The following RASGRF2 variants were observed in gnomAD, a reference collection of about 807,000 sequenced individuals.
The protein encoded by RASGRF2 is Ras protein specific guanine nucleotide releasing factor 2.
RASGRF2 carries 76 observed loss-of-function variants against 151.0 expected under a neutral mutation model. The ratio of observed to expected loss-of-function variants is 0.50; its 90% CI spans 0.42 to 0.61. The LOEUF (loss-of-function observed/expected upper bound fraction) is 0.61. Ranked by LOEUF, RASGRF2 falls within the 20% of genes least tolerant of loss-of-function variation. The pLI is 0.00. For synonymous variants in RASGRF2, 504 were observed against 566.5 expected, an observed-to-expected ratio of 0.89 and a Z score of 1.57; for missense variants, 1,148 against 1,564.6, an observed-to-expected ratio of 0.73 and a Z score of 4.49.
At position 81,034,811 on chromosome 5, in the gene RASGRF2, G is replaced by A. The variant is rs992143392; in HGVS notation, c.289-8066G>A. On this transcript the variant is annotated intron_variant, in intron 1 of 26. Coordinates refer to ENST00000265080, the MANE Select transcript of RASGRF2 (RefSeq NM_006909.3). ...CTGGGGACTGTTGTGGGGTGGGAGG[G>A]GGGTAGGGATAGCATTGGGAGATAT... Among the ~76,000 whole-genome samples the A allele has an allele frequency of 4.6e-4, 60 of 131,528 alleles. 2 individuals are homozygous for A. The highest frequency in any genetic ancestry group is 4.9e-5 in the Non-Finnish European group (3 of 61,724). 86.3% of individuals were successfully genotyped at this position (131,528 alleles called of 152,430 possible).
At chr5:81,039,648 A>G (rs1275378041) in intron 1 of RASGRF2, among the ~76,000 whole-genome samples, 1 of 152,226 alleles carries the variant, frequency 6.6e-6, no homozygotes, top group Non-Finnish European at 1.5e-5. Context: ...TATGAACTAT[A>G]TAGATCTTTA....
chr5:81,037,715 G>A lies in RASGRF2; in HGVS notation c.289-5162G>A, dbSNP rs573367522. ...AAAAAATGTTAAAAGGTGCACGTAG[G>A]TGAAGTCTTTATTGTGCTCTCGGAA... On this transcript the variant is annotated intron_variant, in intron 1 of 26. Transcript: ENST00000265080. Among the ~76,000 whole-genome samples, 59 of 152,234 alleles carry A rather than the reference G, an allele frequency of 3.9e-4. 1 individual carries two copies. Among genetic ancestry groups the A allele is most frequent in the African/African-American group, 1.4e-3 (58 of 41,550 alleles).
At chr5:81,015,589 G>A (rs1296507670) in intron 1 of RASGRF2, among the ~76,000 whole-genome samples, 1 of 151,208 alleles carries the variant, frequency 6.6e-6, no homozygotes, top group Non-Finnish European at 1.5e-5. Flanking sequence ...CTGTTCCTTT[G>A]CCCACATTTC....
chr5:81,144,061 C>T (rs1370849780), intron 17 of RASGRF2, among the ~76,000 whole-genome samples: 2 of 152,112 alleles, frequency 1.3e-5, no homozygotes, highest in African/African-American at 4.8e-5. Context: ...CAAAAATATA[C>T]AATGAAAAGT....
intron 1 of RASGRF2, among the ~76,000 whole-genome samples, chr5:81,010,847 G>A (rs1292639389): frequency 6.6e-6 from 1 of 152,096 alleles, no homozygotes; most frequent in Non-Finnish European, 1.5e-5. Flanking sequence ...CACCAGATGT[G>A]CTTCATGTTC....
At chr5:81,125,175 C>T (rs1378969571) in intron 16 of RASGRF2, among the ~76,000 whole-genome samples, 2 of 152,192 alleles carry the variant, frequency 1.3e-5, no homozygotes, top group Non-Finnish European at 2.9e-5. Context: ...GAATAAGCCA[C>T]TGCGCCCAGC....
At chr5:80,977,286 G>A (rs1748151080) in intron 1 of RASGRF2, among the ~76,000 whole-genome samples, 1 of 152,066 alleles carries the variant, frequency 6.6e-6, no homozygotes, top group African/African-American at 2.4e-5. Flanking sequence ...CCAAGTTCAA[G>A]TTCTAGATCC....
rs779026702 is a variant in RASGRF2 at position 81,225,688 on chromosome 5, ACTTG to A, written c.3637_3640del (p.Leu1213ThrfsTer6). ...CCCCTTTTTTTTCAGGTCGCACAGT[ACTTG>A]CTTGACAAAGACCTTATCATAGATG... On this transcript the variant is annotated frameshift_variant, in exon 27 of 27. Transcript: ENST00000265080. LOFTEE classifies it high-confidence loss of function. The A allele has an allele frequency of 6.2e-7, 1 of 1,612,836 alleles. No individual in the cohort carries two copies. Among genetic ancestry groups the A allele is most frequent in the African/African-American group, 1.3e-5 (1 of 74,818 alleles).
intron 1 of RASGRF2, among the ~76,000 whole-genome samples, chr5:80,983,855 ATTAAAG>A (rs1666503905): frequency 6.6e-6 from 1 of 152,274 alleles, no homozygotes; most frequent in Non-Finnish European, 1.5e-5. Flanking sequence ...AAAATGTATT[ATTAAAG>A]TTAATTTTAC....
At chr5:81,100,693 T>A (rs566118199) in intron 12 of RASGRF2, among the ~76,000 whole-genome samples, 29 of 152,366 alleles carry the variant, frequency 1.9e-4, no homozygotes, top group Middle Eastern at 3.4e-3. Flanking sequence ...AAATGCAGAA[T>A]TAAAATTTAT....
intron 1 of RASGRF2, among the ~76,000 whole-genome samples, chr5:80,992,063 T>A (rs977420639): frequency 1.3e-5 from 2 of 152,130 alleles, no homozygotes; most frequent in African/African-American, 4.8e-5. Context: ...CACCCTCTCC[T>A]GGCACCATGA....
At chr5:81,139,783 C>T (rs867258516) in intron 17 of RASGRF2, among the ~76,000 whole-genome samples, 17 of 151,998 alleles carry the variant, frequency 1.1e-4, no homozygotes, top group South Asian at 6.2e-4. Flanking sequence ...TCAAAATAAT[C>T]CCACAAAGCT....
intron 17 of RASGRF2, among the ~76,000 whole-genome samples, chr5:81,165,390 G>A (rs1158858234): frequency 6.6e-6 from 1 of 152,192 alleles, no homozygotes; most frequent in Non-Finnish European, 1.5e-5. Context: ...GTTGGACCGA[G>A]TCCCTACCAT....
At chr5:81,208,970 G>A (rs1755573109) in intron 22 of RASGRF2, among the ~76,000 whole-genome samples, 1 of 152,102 alleles carries the variant, frequency 6.6e-6, no homozygotes, top group African/African-American at 2.4e-5. Flanking sequence ...ACCTTTGATG[G>A]TACCCAGTGC....
rs748247386 is a variant in RASGRF2 at position 81,180,217 on chromosome 5, T to C, written c.2729T>C (p.Ile910Thr). Reference sequence around the variant, plus strand: ...AGAACATGTGATAAAGAGTTTATTATACGGAGAACGGCTACCAATCGAGTT... The same window carrying C: ...AGAACATGTGATAAAGAGTTTATTACACGGAGAACGGCTACCAATCGAGTT... ...TERTCDKEFI[I>T]RRTATNRVLN... The change falls in exon 18 of 27, where the codon ATA becomes ACA. Residue 910 changes from isoleucine to threonine, a missense_variant. By Grantham distance (89) the Ile-to-Thr change is moderately conservative. Transcript: ENST00000265080. The C allele has an allele frequency of 1.9e-6, 3 of 1,613,258 alleles. No individual in the cohort carries two copies. Among genetic ancestry groups the C allele is most frequent in the East Asian group, 2.2e-5 (1 of 44,866 alleles).
intron 17 of RASGRF2, among the ~76,000 whole-genome samples, chr5:81,172,182 G>A (rs1754672496): frequency 1.3e-5 from 2 of 151,744 alleles, no homozygotes; most frequent in Non-Finnish European, 2.9e-5. Context: ...TGGAATTATG[G>A]GAATTAAAAT....
At chr5:81,224,764 G>C (rs1755933844) in intron 26 of RASGRF2, among the ~76,000 whole-genome samples, 1 of 152,172 alleles carries the variant, frequency 6.6e-6, no homozygotes, top group South Asian at 2.1e-4. Context: ...ACACTATGCT[G>C]AGTGAAAGAA....
At chr5:81,172,435 G>A (rs1366309278) in intron 17 of RASGRF2, among the ~76,000 whole-genome samples, 2 of 4,742 alleles carry the variant, frequency 4.2e-4, no homozygotes, top group South Asian at 4.5e-3. Context: ...AAGGATGTGC[G>A]TGTGTGTGTG....
intron 2 of RASGRF2, among the ~76,000 whole-genome samples, chr5:81,062,702 A>G (rs1213513056): frequency 6.6e-6 from 1 of 152,234 alleles, no homozygotes; most frequent in African/African-American, 2.4e-5. Context: ...GTACCGTGTC[A>G]TTGAATATTT....
Sources: gnomAD v4.1 joint callset for allele counts (sites outside exome capture counted in the v4.1 genomes callset) on GRCh38, gnomAD v4.1.1 for gene constraint, MANE v1.5 for transcripts, NCBI Gene and HGNC (gene_info 2026-07-23, HGNC 2026-07-21) for gene names.